Variants in NEO1 observed in about 807,000 individuals in gnomAD.
NEO1 encodes the protein neogenin 1.
A neutral mutation model predicts 159.7 loss-of-function variants in NEO1; 63 were observed. The observed-to-expected ratio is 0.39, with a 90% CI of 0.32 to 0.49. The LOEUF is 0.49. NEO1 is among the 20% of genes least tolerant of loss of function. NEO1 has a pLI of 0.85. For synonymous variants in NEO1, 633 were observed against 662.0 expected, an observed-to-expected ratio of 0.96 and a Z score of 0.67; for missense variants, 1,615 against 1,831.0, an observed-to-expected ratio of 0.88 and a Z score of 2.15.
intron 7 of NEO1, among the ~76,000 whole-genome samples, chr15:73,229,131 TTTGAG>T (rs1387370811): frequency 3.3e-5 from 5 of 152,164 alleles, no homozygotes; most frequent in Non-Finnish European, 7.4e-5. Flanking sequence ...TATTAACAAC[TTTGAG>T]TTGTTCAATT....
At chr15:73,213,822 T>C (rs1182280363) in intron 7 of NEO1, among the ~76,000 whole-genome samples, 2 of 152,196 alleles carry the variant, frequency 1.3e-5, no homozygotes. Flanking sequence ...AGTTCTACTT[T>C]TAATTCTTCA....
chr15:73,109,337 G>A (rs755099961), intron 1 of NEO1, among the ~76,000 whole-genome samples: 58 of 152,184 alleles, frequency 3.8e-4, no homozygotes, highest in Non-Finnish European at 6.5e-4. Flanking sequence ...CTTGAAAGGA[G>A]GCATAATTTT....
chr15:73,116,051 G>A (rs2071293330), intron 1 of NEO1, among the ~76,000 whole-genome samples: 1 of 152,122 alleles, frequency 6.6e-6, no homozygotes, highest in Non-Finnish European at 1.5e-5. Context: ...ATAGCAGATT[G>A]CTTTTTAAGT....
chr15:73,256,549 T>C (rs1181782104), intron 13 of NEO1, among the ~76,000 whole-genome samples: 1 of 152,134 alleles, frequency 6.6e-6, no homozygotes, highest in Non-Finnish European at 1.5e-5. Flanking sequence ...TTTCTAAAAA[T>C]TGAGAGAGCC....
chr15:73,108,381 A>T (rs1224543421), intron 1 of NEO1, among the ~76,000 whole-genome samples: 4 of 150,092 alleles, frequency 2.7e-5, no homozygotes, highest in Non-Finnish European at 5.9e-5. Context: ...CATTTTTACA[A>T]AGGACAGACT....
chr15:73,219,163 C>T (rs1243234516), intron 7 of NEO1, among the ~76,000 whole-genome samples: 1 of 151,850 alleles, frequency 6.6e-6, no homozygotes, highest in Non-Finnish European at 1.5e-5. Context: ...TTTATTTCTG[C>T]CTTCATTTCG....
chr15:73,253,427 C>A lies in NEO1; in HGVS notation c.1922C>A (p.Ser641Tyr). 1.3e-6 allele frequency: 2 copies of A among 1,587,354 alleles called. No individual in the cohort carries two copies. The highest frequency in any genetic ancestry group is 1.7e-6 in the Non-Finnish European group (2 of 1,168,160). Residue 641 changes from serine (S) to tyrosine (Y), a missense_variant, in exon 12 of 29, where the codon TCC (serine) becomes TAC (tyrosine). Physicochemically the swap from Ser to Tyr is moderately radical, Grantham distance 144 (BLOSUM62 -2). This residue lies in a region of NEO1 where 1,018 missense variants were observed against 1,115.4 expected (regional missense o/e 0.91). Coordinates refer to ENST00000261908, the MANE Select transcript of NEO1 (RefSeq NM_002499.4). ...CCCAGTGCTGCTCCTCAGAATCTGT[C>A]CTTGGAAGTGAGAAATTCAAAGGTA... ...DVPSAAPQNLSLEVRNSKSIM... is the reference protein window; with the variant it reads ...DVPSAAPQNLYLEVRNSKSIM...
At chr15:73,078,309 C>A (rs1400280150) in intron 1 of NEO1, among the ~76,000 whole-genome samples, 2 of 152,126 alleles carry the variant, frequency 1.3e-5, no homozygotes, top group Non-Finnish European at 2.9e-5. Context: ...AGGATATTGA[C>A]AATGTAGAAT....
At chr15:73,058,544 G>C (rs1415912077) in intron 1 of NEO1, among the ~76,000 whole-genome samples, 1 of 152,108 alleles carries the variant, frequency 6.6e-6, no homozygotes, top group East Asian at 1.9e-4. Flanking sequence ...TCTATATTTT[G>C]GATTCCCCCA....
At chr15:73,066,732 G>A (rs1354330618) in intron 1 of NEO1, among the ~76,000 whole-genome samples, 1 of 152,060 alleles carries the variant, frequency 6.6e-6, no homozygotes, top group African/African-American at 2.4e-5. Flanking sequence ...CAGTTTAAGG[G>A]GTTTACCCTC....
intron 5 of NEO1, among the ~76,000 whole-genome samples, chr15:73,152,674 G>A (rs983527433): frequency 1.3e-5 from 2 of 152,174 alleles, no homozygotes; most frequent in African/African-American, 4.8e-5. Context: ...GTAACCGGTT[G>A]GGGGTGGGAG....
chr15:73,272,388 A>G (rs569693971), intron 18 of NEO1, 67 bp from the exon 19 acceptor site: 8 of 1,217,534 alleles, frequency 6.6e-6, no homozygotes, highest in African/African-American at 1.5e-5. Context: ...ACAAGTGGAA[A>G]AGGTTGAAGA....
intron 1 of NEO1, among the ~76,000 whole-genome samples, chr15:73,063,769 A>AT (rs1408626226): frequency 6.6e-6 from 1 of 152,186 alleles, no homozygotes; most frequent in Non-Finnish European, 1.5e-5. Context: ...GGAATTAATA[A>AT]TTTGTCATAT....
chr15:73,056,436 G>C (rs558397493), intron 1 of NEO1, among the ~76,000 whole-genome samples: 73 of 152,232 alleles, frequency 4.8e-4, no homozygotes, highest in African/African-American at 1.7e-3. Context: ...TGTCTTTTCT[G>C]CTAGTCTCAA....
At chr15:73,120,287 T>C (rs1327956651) in intron 2 of NEO1, among the ~76,000 whole-genome samples, 2 of 151,826 alleles carry the variant, frequency 1.3e-5, no homozygotes. Context: ...TATTCTGGTT[T>C]CTTAAAAGTA....
rs935054887 is a variant in NEO1, at chr15:73,081,615, A to G, written c.130+28810A>G. Among the ~76,000 whole-genome samples the G allele has an allele frequency of 5.3e-5, 8 of 151,744 alleles. No individual in the cohort carries two copies. The East Asian group carries it at 1.5e-3, about 29-fold the overall frequency. On this transcript the variant is annotated intron_variant, in intron 1 of 28. Coordinates refer to ENST00000261908, the MANE Select transcript of NEO1 (RefSeq NM_002499.4). ...TTTTCTGAGACAAGGACTCACTGTC[A>G]CCCAGACTGGAGTGCAGTAGCACCA...
chr15:73,148,565 T>A (rs1271925741), intron 5 of NEO1, among the ~76,000 whole-genome samples: 1 of 152,196 alleles, frequency 6.6e-6, no homozygotes, highest in Non-Finnish European at 1.5e-5. Flanking sequence ...AAGGGTGTAT[T>A]GATGGCACTT....
In NEO1 at chr15:73,052,634, G is replaced by A. The variant is rs1476603197; in HGVS notation, c.-42G>A. On this transcript the variant is annotated 5_prime_UTR_variant, in exon 1 of 29. Coordinates refer to ENST00000261908, the MANE Select transcript of NEO1 (RefSeq NM_002499.4). Reference sequence around the variant, plus strand: ...CGGGAGGGAAGGAGGCAAGGGCTCCGCGGCGCTGTCGCCGCCGCTGCCGCT... The same window carrying A: ...CGGGAGGGAAGGAGGCAAGGGCTCCACGGCGCTGTCGCCGCCGCTGCCGCT... 8.3e-7 allele frequency: 1 copy of A among 1,206,596 alleles called. No individual in the cohort carries two copies. The highest frequency in any genetic ancestry group is 1.0e-6 in the Non-Finnish European group (1 of 965,604). The allele number at this position is 1,206,596 out of a possible 1,614,324, so 74.7% of individuals were successfully genotyped here.
chr15:73,168,581 A>G (rs536650847), intron 5 of NEO1, among the ~76,000 whole-genome samples: 1 of 152,180 alleles, frequency 6.6e-6, no homozygotes, highest in South Asian at 2.1e-4. Flanking sequence ...CAATGAGACT[A>G]GGGGCAGGAT....
Sources: allele counts gnomAD v4.1 joint callset (sites outside exome capture counted in the v4.1 genomes callset), GRCh38; gene constraint gnomAD v4.1.1; regional missense constraint gnomAD v4.1.1; transcripts MANE v1.5; gene names NCBI Gene and HGNC (gene_info 2026-07-23, HGNC 2026-07-21).